The following NAA20 variants were observed in gnomAD, a reference collection of about 807,000 sequenced individuals.
The protein encoded by NAA20 is N-alpha-acetyltransferase 20, NatB catalytic subunit, also known as N-alpha-acetyltransferase 20.
In NAA20, 24 loss-of-function variants were observed where a neutral mutation model predicts 23.8. The ratio of observed to expected loss-of-function variants is 1.01; its 90% CI spans 0.73 to 1.42. NAA20 has a LOEUF of 1.42. Ranked by LOEUF, NAA20 falls within the 40% of genes most tolerant of loss-of-function variation. The probability of loss-of-function intolerance (pLI) is 0.00; values close to 1 mark genes in which losing one functional copy is unlikely to be tolerated. For missense variants in NAA20, 166 were observed against 223.1 expected (o/e 0.74, Z 1.63); for synonymous variants, 83 against 77.7 (o/e 1.07, Z -0.36).
Position 20,029,891 on chromosome 20 carries a change from GT to G in NAA20, c.306-2613del, listed in dbSNP as rs2043331464. Among the ~76,000 whole-genome samples the G allele has an allele frequency of 2.1e-5, 3 of 144,518 alleles. No individual in the cohort carries two copies. In the South Asian group the frequency reaches 6.2e-4, roughly 30 times the overall value. The allele number at this position is 144,518 out of a possible 152,430, so 94.8% of individuals were successfully genotyped here. On this transcript the variant is annotated intron_variant, in intron 4 of 5. Transcript: ENST00000334982. ...TCTTGGTTACATAGTTTTTTGTTTT[GT>G]TTTGTTTTGTTTTGTTTTTAACAAC...
chr20:20,032,734 TAATA>T (rs1476077149), intron 5 of NAA20, 81 bp downstream of exon 5: 1 of 1,441,148 alleles, frequency 6.9e-7, no homozygotes, highest in East Asian at 2.4e-5. Context: ...TTGATTATTT[TAATA>T]AATGTAGAAT....
chr20:20,020,705 G>A (rs936353005), intron 1 of NAA20, among the ~76,000 whole-genome samples: 1 of 152,176 alleles, frequency 6.6e-6, no homozygotes, highest in African/African-American at 2.4e-5. Flanking sequence ...TTGTAAGATG[G>A]CGCCTTAGGG....
chr20:20,018,049 T>C, intron 1 of NAA20: 5 of 1,614,192 alleles, frequency 3.1e-6, no homozygotes, highest in Non-Finnish European at 4.2e-6. Flanking sequence ...ATGGTTAGTG[T>C]TTGCAAGTTT....
chr20:20,022,869 A>G (rs148992247), intron 2 of NAA20, among the ~76,000 whole-genome samples: 1 of 152,214 alleles, frequency 6.6e-6, no homozygotes, highest in Non-Finnish European at 1.5e-5. Flanking sequence ...ACCAACAGCC[A>G]GGCTCTTTGC....
chr20:20,031,328 A>G (rs937251986), intron 4 of NAA20, among the ~76,000 whole-genome samples: 3 of 152,208 alleles, frequency 2.0e-5, no homozygotes, highest in Non-Finnish European at 2.9e-5. Context: ...TTGCACATCA[A>G]TAGTATGAAG....
chr20:20,026,732 A>G, intron 3 of NAA20, 52 bp from the exon 4 acceptor site: 1 of 1,601,846 alleles, frequency 6.2e-7, no homozygotes, highest in African/African-American at 1.3e-5. Context: ...TTCTATATTT[A>G]TGTGTAAATC....
intron 4 of NAA20, among the ~76,000 whole-genome samples, chr20:20,028,684 C>T (rs1055146540): frequency 1.3e-5 from 2 of 152,006 alleles, no homozygotes; most frequent in African/African-American, 4.8e-5. Flanking sequence ...TATACACATA[C>T]ATGATACATA....
At chr20:20,033,029 A>G in intron 5 of NAA20, 73 bp from the exon 6 acceptor site, 2 of 1,207,656 alleles carry the variant, frequency 1.7e-6, no homozygotes, top group South Asian at 2.5e-5. Context: ...TCTTATGGGA[A>G]CTTTACCTAT....
Position 20,033,325 on chromosome 20 carries a change from ATTTAT to A in NAA20, c.*143_*147del. ...GACTTCAAGAAAATACAGGTTATCA[ATTTAT>A]TTTAAATCTCATTGTTTCCAGTTAG... On this transcript the variant is annotated 3_prime_UTR_variant, in exon 6 of 6. Coordinates refer to ENST00000334982, the MANE Select transcript of NAA20 (RefSeq NM_016100.5). The A allele has an allele frequency of 1.5e-6, 1 of 646,516 alleles. No individual in the cohort carries two copies. Among genetic ancestry groups the A allele is most frequent in the Non-Finnish European group, 2.6e-6 (1 of 381,466 alleles). The allele number at this position is 646,516 out of a possible 1,614,324, so 40.0% of individuals were successfully genotyped here.
intron 1 of NAA20, among the ~76,000 whole-genome samples, chr20:20,020,475 G>A (rs1220040753): frequency 6.6e-6 from 1 of 152,190 alleles, no homozygotes; most frequent in Non-Finnish European, 1.5e-5. Context: ...CGCATGGCTG[G>A]TACAGAGTGA....
intron 1 of NAA20, 142 bp downstream of exon 1, chr20:20,017,591 G>T (rs980962997): frequency 1.5e-6 from 2 of 1,326,792 alleles, no homozygotes; most frequent in East Asian, 2.8e-5. Context: ...GCCGGCCAAC[G>T]TGGGCGCCTC....
rs1349592668 is a variant in NAA20 at position 20,032,669 on chromosome 20, T to A, written c.451+16T>A. 6.4e-7 allele frequency: 1 copy of A among 1,573,846 alleles called. No homozygotes were observed. The highest frequency in any genetic ancestry group is 1.2e-5 in the South Asian group (1 of 83,062). On this transcript the variant is annotated intron_variant, in intron 5 of 5. Coordinates refer to ENST00000334982, the MANE Select transcript of NAA20 (RefSeq NM_016100.5). The stretch of plus-strand genomic sequence containing the variant: ...GACGCTTATGGTAAGCTCCCTTCCA[T>A]GGCAGTATCCCCAAGAAGTCGAAAC...
At chr20:20,020,176 C>T (rs1477890968) in intron 1 of NAA20, among the ~76,000 whole-genome samples, 1 of 152,206 alleles carries the variant, frequency 6.6e-6, no homozygotes, top group Non-Finnish European at 1.5e-5. Context: ...CTTCATAGAA[C>T]ACCTGAAACA....
intron 4 of NAA20, among the ~76,000 whole-genome samples, chr20:20,027,854 C>T (rs2043316601): frequency 6.6e-6 from 1 of 151,666 alleles, no homozygotes; most frequent in Admixed American, 6.6e-5. Context: ...CTCCTCGTAT[C>T]TTCATTCTAG....
chr20:20,023,252 T>C (rs2146462411), intron 2 of NAA20, among the ~76,000 whole-genome samples: 1 of 148,164 alleles, frequency 6.7e-6, no homozygotes, highest in South Asian at 2.1e-4. Flanking sequence ...GAGGTTGCAG[T>C]GAGCCGAGAT....
rs115363927 is a variant in NAA20, at chr20:20,031,320, G to A, written c.306-1188G>A. 3.1e-3 allele frequency among the ~76,000 whole-genome samples: 470 copies of A among 152,236 alleles called. 1 individual carries two copies. The highest frequency in any genetic ancestry group is 0.011 in the African/African-American group (451 of 41,542). On this transcript the variant is annotated intron_variant, in intron 4 of 5. Coordinates refer to ENST00000334982, the MANE Select transcript of NAA20 (RefSeq NM_016100.5). ...TTTAACATACCACAGAAGAGGCATT[G>A]CACATCAATAGTATGAAGATAGACT...
At chr20:20,031,058 C>G (rs1235998008) in intron 4 of NAA20, among the ~76,000 whole-genome samples, 2 of 152,150 alleles carry the variant, frequency 1.3e-5, no homozygotes, top group Non-Finnish European at 2.9e-5. Flanking sequence ...GACCGCAGTT[C>G]CAATGTAATT....
chr20:20,027,012 TCACAGGA>T, intron 4 of NAA20, 93 bp downstream of exon 4: 1 of 1,495,024 alleles, frequency 6.7e-7, no homozygotes, highest in Non-Finnish European at 9.2e-7. Context: ...GCTTTACAGT[TCACAGGA>T]ATTTCATCTT....
intron 1 of NAA20, chr20:20,017,690 T>C: frequency 7.0e-7 from 1 of 1,424,720 alleles, no homozygotes; most frequent in Non-Finnish European, 9.2e-7. Flanking sequence ...AAACTTTGTC[T>C]CTGGACCCTG....
Sources: gnomAD v4.1 joint callset for allele counts (sites outside exome capture counted in the v4.1 genomes callset) on GRCh38, gnomAD v4.1.1 for gene constraint, MANE v1.5 for transcripts, NCBI Gene and HGNC (gene_info 2026-07-23, HGNC 2026-07-21) for gene names.